The following FHIT variants were observed in gnomAD, a reference collection of about 807,000 sequenced individuals.
The protein encoded by FHIT is fragile histidine triad diadenosine triphosphatase, also known as bis(5'-adenosyl)-triphosphatase.
Under a neutral mutation model 17.9 loss-of-function variants are expected in FHIT, and 19 were observed. That is an observed-to-expected ratio of 1.06 (90% CI 0.74 to 1.56). The LOEUF is 1.56. Among genes scored for constraint, FHIT ranks in the 40% most tolerant of loss-of-function variants. The pLI is 0.00. For missense variants in FHIT, 248 were observed against 189.2 expected (o/e 1.31, Z -1.82); for synonymous variants, 81 against 69.7 (o/e 1.16, Z -0.81).
chr3:60,212,131 C>T (rs527579592), intron 5 of FHIT, among the ~76,000 whole-genome samples: 45 of 152,236 alleles, frequency 3.0e-4, no homozygotes, highest in Admixed American at 7.2e-4. Context: ...AGTCACTTGG[C>T]AGAAAACACT....
At chr3:61,083,462 C>T (rs1429795638) in intron 2 of FHIT, among the ~76,000 whole-genome samples, 11 of 151,952 alleles carry the variant, frequency 7.2e-5, no homozygotes, top group South Asian at 2.1e-4. Context: ...AAGTGGCGGG[C>T]GCCTGTAGTC....
intron 5 of FHIT, among the ~76,000 whole-genome samples, chr3:60,039,504 G>C (rs1187173171): frequency 6.6e-6 from 1 of 152,194 alleles, no homozygotes; most frequent in Non-Finnish European, 1.5e-5. Flanking sequence ...GGGCAAGAGA[G>C]TCCTTGGAGA....
At chr3:61,248,456 C>G (rs760058229) in intron 1 of FHIT, among the ~76,000 whole-genome samples, 1 of 152,200 alleles carries the variant, frequency 6.6e-6, no homozygotes, top group Non-Finnish European at 1.5e-5. Context: ...GCCTTATTAT[C>G]TGTGAATACA....
chr3:60,547,305 C>T lies in FHIT; in HGVS notation c.-17-10326G>A, dbSNP rs142409748. Among the ~76,000 whole-genome samples the T allele has an allele frequency of 4.1e-3, 631 of 152,252 alleles. 3 individuals are homozygous for T. Among genetic ancestry groups the T allele is most frequent in the African/African-American group, 0.014 (579 of 41,558 alleles). On this transcript the variant is annotated intron_variant, in intron 4 of 9. Transcript: ENST00000492590. ...TTTCTGTAAGCCAGAGAAGCAAATA[C>T]TGGATTAGGAACCTCAGTCCAAGGT...
chr3:60,073,375 A>T (rs550774729), intron 5 of FHIT, among the ~76,000 whole-genome samples: 7 of 152,112 alleles, frequency 4.6e-5, no homozygotes, highest in Non-Finnish European at 1.0e-4. Flanking sequence ...TCTTATATTA[A>T]AAGAGAGAAA....
intron 4 of FHIT, among the ~76,000 whole-genome samples, chr3:60,692,109 C>A (rs1553699657): frequency 6.6e-6 from 1 of 152,162 alleles, no homozygotes; most frequent in African/African-American, 2.4e-5. Flanking sequence ...AGGTTTTCCA[C>A]CTAGCATACC....
chr3:59,867,418 A>G (rs1487214745), intron 8 of FHIT, among the ~76,000 whole-genome samples: 1 of 152,066 alleles, frequency 6.6e-6, no homozygotes, highest in East Asian at 2.0e-4. Flanking sequence ...ATTAAGTCAT[A>G]AATGAAATCT....
At chr3:60,127,814 A>G (rs1403135014) in intron 5 of FHIT, among the ~76,000 whole-genome samples, 2 of 152,072 alleles carry the variant, frequency 1.3e-5, no homozygotes, top group East Asian at 3.9e-4. Flanking sequence ...ATACATTTGT[A>G]GAGATGAGGC....
At chr3:59,976,929 G>A (rs559572428) in intron 7 of FHIT, among the ~76,000 whole-genome samples, 7 of 152,110 alleles carry the variant, frequency 4.6e-5, no homozygotes, top group Non-Finnish European at 7.4e-5. Flanking sequence ...GGCATGGCTT[G>A]AAGACACATC....
At chr3:60,226,490 A>AAAAAAAC (rs1704210318) in intron 5 of FHIT, among the ~76,000 whole-genome samples, 1 of 150,636 alleles carries the variant, frequency 6.6e-6, no homozygotes, top group Admixed American at 6.6e-5. Context: ...AAAAAAAAAA[A>AAAAAAAC]AAAACACTGC....
At chr3:61,018,747 T>C (rs2032249394) in intron 3 of FHIT, among the ~76,000 whole-genome samples, 1 of 152,240 alleles carries the variant, frequency 6.6e-6, no homozygotes, top group Non-Finnish European at 1.5e-5. Flanking sequence ...GCATTTCTAA[T>C]TTAATCACTG....
intron 5 of FHIT, among the ~76,000 whole-genome samples, chr3:60,277,979 G>A (rs1707239141): frequency 6.6e-6 from 1 of 152,110 alleles, no homozygotes; most frequent in East Asian, 1.9e-4. Context: ...AGAGAACTGA[G>A]GTCCAAAGCA....
At chr3:59,922,799 A>G (rs1705472601) in intron 7 of FHIT, among the ~76,000 whole-genome samples, 2 of 152,224 alleles carry the variant, frequency 1.3e-5, no homozygotes, top group Non-Finnish European at 2.9e-5. Flanking sequence ...CTGCATAAGT[A>G]AAGAGCGAGT....
intron 2 of FHIT, among the ~76,000 whole-genome samples, chr3:61,115,340 TAGAG>T (rs1328753828): frequency 1.3e-5 from 2 of 152,058 alleles, no homozygotes; most frequent in African/African-American, 2.4e-5. Context: ...TCACTGTGTC[TAGAG>T]AGAGCCTGGC....
At chr3:61,248,933 T>C (rs2040548551) in intron 1 of FHIT, among the ~76,000 whole-genome samples, 1 of 152,248 alleles carries the variant, frequency 6.6e-6, no homozygotes. Flanking sequence ...TAGATTAGAT[T>C]ATTTATAAGG....
At chr3:61,202,521 A>AAG (rs910746874) in intron 1 of FHIT, among the ~76,000 whole-genome samples, 1 of 151,980 alleles carries the variant, frequency 6.6e-6, no homozygotes, top group African/African-American at 2.4e-5. Context: ...AAAAAAAAAA[A>AAG]AGAGAGAGAG....
At chr3:60,887,907 C>A (rs1705306875) in intron 3 of FHIT, among the ~76,000 whole-genome samples, 1 of 152,150 alleles carries the variant, frequency 6.6e-6, no homozygotes, top group Non-Finnish European at 1.5e-5. Flanking sequence ...GATTGATAAA[C>A]ATGAACGTCT....
chr3:60,282,187 G>A (rs909296319), intron 5 of FHIT, among the ~76,000 whole-genome samples: 8 of 152,128 alleles, frequency 5.3e-5, no homozygotes, highest in African/African-American at 1.7e-4. Context: ...GAAAACTAAT[G>A]TTCACACAAA....
intron 4 of FHIT, among the ~76,000 whole-genome samples, chr3:60,701,570 C>A (rs1229302316): frequency 4.0e-5 from 6 of 151,734 alleles, no homozygotes; most frequent in African/African-American, 1.2e-4. Flanking sequence ...TGGGTGGGGG[C>A]CACAAGACCA....
Sources: allele counts gnomAD v4.1 joint callset (sites outside exome capture counted in the v4.1 genomes callset), GRCh38; gene constraint gnomAD v4.1.1; transcripts MANE v1.5; gene names NCBI Gene and HGNC (gene_info 2026-07-23, HGNC 2026-07-21).